Variants in CCDC93 observed in about 807,000 individuals in gnomAD.
The protein encoded by CCDC93 is coiled-coil domain-containing protein 93.
Under a neutral mutation model 108.2 loss-of-function variants are expected in CCDC93, and 61 were observed. The ratio of observed to expected loss-of-function variants is 0.56; its 90% CI spans 0.46 to 0.70. The LOEUF (loss-of-function observed/expected upper bound fraction) is 0.70. Among genes scored for constraint, CCDC93 ranks in the 30% least tolerant of loss-of-function variants. The probability of loss-of-function intolerance (pLI) is 0.00; values close to 1 mark genes in which losing one functional copy is unlikely to be tolerated. For missense variants in CCDC93, 685 were observed against 764.2 expected (o/e 0.90, Z 1.22); for synonymous variants, 276 against 260.4 (o/e 1.06, Z -0.58).
intron 2 of CCDC93, 46 bp downstream of exon 2, chr2:118,008,499 C>A: frequency 9.3e-7 from 1 of 1,071,176 alleles, no homozygotes; most frequent in South Asian, 1.3e-5. Flanking sequence ...TTAACCATGT[C>A]ATTCTGACAA....
At chr2:117,994,109 A>G (rs1212081628) in intron 6 of CCDC93, among the ~76,000 whole-genome samples, 1 of 152,246 alleles carries the variant, frequency 6.6e-6, no homozygotes, top group African/African-American at 2.4e-5. Context: ...TTAAAGTATG[A>G]TTCCAATTCA....
rs1014353177 is a variant in CCDC93 at position 117,996,473 on chromosome 2, A to T, written c.364-111T>A. The T allele has an allele frequency of 1.3e-5, 9 of 703,048 alleles. No individual in the cohort carries two copies. The South Asian group carries it at 1.5e-4, about 12-fold the overall frequency. The allele number at this position is 703,048 out of a possible 1,614,324, so 43.6% of individuals were successfully genotyped here. On this transcript the variant is annotated intron_variant, in intron 4 of 23. Transcript: ENST00000376300. ...AACTCAAATCAGCATAGTTGAACTGACTAGGTGATAAGAAGCTATCAACAC... is the reference window on the plus strand; with the variant it reads ...AACTCAAATCAGCATAGTTGAACTGTCTAGGTGATAAGAAGCTATCAACAC...
intron 7 of CCDC93, among the ~76,000 whole-genome samples, chr2:117,983,609 C>A (rs1680216862): frequency 7.8e-6 from 1 of 128,260 alleles, no homozygotes; most frequent in Non-Finnish European, 1.7e-5. Flanking sequence ...CTGTTTTCTA[C>A]ATTGAACAAA....
chr2:118,007,145 G>A (rs534026615), intron 2 of CCDC93, among the ~76,000 whole-genome samples: 1 of 152,328 alleles, frequency 6.6e-6, no homozygotes, highest in African/African-American at 2.4e-5. Flanking sequence ...TGAACATACT[G>A]TACATAGATC....
intron 3 of CCDC93, chr2:118,001,168 C>T: frequency 2.5e-6 from 1 of 395,964 alleles, no homozygotes; most frequent in Non-Finnish European, 4.5e-6. Context: ...GTTTTTCTTC[C>T]TACTTTTTTG....
intron 13 of CCDC93, 118 bp downstream of exon 13, chr2:117,952,255 G>A (rs1679080822): frequency 9.2e-6 from 7 of 761,200 alleles, no homozygotes; most frequent in Admixed American, 5.8e-5. Context: ...TGCAGCCTCT[G>A]AGAACAGGAT....
intron 7 of CCDC93, among the ~76,000 whole-genome samples, chr2:117,979,760 G>A (rs1680055015): frequency 6.6e-6 from 1 of 152,168 alleles, no homozygotes; most frequent in Non-Finnish European, 1.5e-5. Context: ...CACGAATTCT[G>A]TAAAGGACCT....
At position 118,008,558 on chromosome 2, in the gene CCDC93, G is replaced by A; in HGVS notation, c.143C>T (p.Ser48Leu). ...ATTTCCCCTTACCTTGTCAAAGGGT[G>A]ATAAGCCTTTAATTCTTGCCCTGAA... ...GYFRARIKGL[S>L]PFDKVVGGMT... is the part of the protein sequence containing the mutation. The change falls in exon 2 of 24, where the codon TCA becomes TTA. Residue 48 changes from serine to leucine, a missense_variant. Coordinates refer to ENST00000376300, the MANE Select transcript of CCDC93 (RefSeq NM_019044.5). 1 of 1,595,482 alleles carries A rather than the reference G, an allele frequency of 6.3e-7. No individual in the cohort carries two copies. The highest frequency in any genetic ancestry group is 2.2e-5 in the East Asian group (1 of 44,790).
Position 117,950,444 on chromosome 2 carries a change from G to T in CCDC93, c.1069-1049C>A, listed in dbSNP as rs374189280. 5.1e-6 allele frequency: 5 copies of T among 985,298 alleles called. No individual in the cohort carries two copies. The East Asian group carries it at 3.4e-4, about 67-fold the overall frequency. The allele number at this position is 985,298 out of a possible 1,614,324, so 61.0% of individuals were successfully genotyped here. A position where few individuals can be genotyped will look rare whatever the true frequency, so the allele number is the denominator to read the frequency against. On this transcript the variant is annotated intron_variant, in intron 13 of 23. Transcript: ENST00000376300. ...CAGCCAATCTCCTGGCCTTTCTGAA[G>T]CAGTCATGCAGCCTCCCCCACAGGT... is the stretch of plus-strand genomic sequence containing the variant.
rs547627370 is a variant in CCDC93, at chr2:117,989,678, C to T, written c.520-3609G>A. Reference sequence around the variant, plus strand: ...CTGACTTGAGGCAAGTTACTTTAACCTCTGTGGTTTTCCATCTGCATATTA... The same window carrying T: ...CTGACTTGAGGCAAGTTACTTTAACTTCTGTGGTTTTCCATCTGCATATTA... On this transcript the variant is annotated intron_variant, in intron 6 of 23. Coordinates refer to ENST00000376300, the MANE Select transcript of CCDC93 (RefSeq NM_019044.5). Among the ~76,000 whole-genome samples the T allele has an allele frequency of 3.9e-5, 6 of 152,300 alleles. No individual in the cohort carries two copies. The South Asian group carries it at 1.2e-3, about 32-fold the overall frequency.
chr2:117,960,352 G>C (rs1679348147), intron 11 of CCDC93, among the ~76,000 whole-genome samples: 1 of 152,310 alleles, frequency 6.6e-6, no homozygotes, highest in African/African-American at 2.4e-5. Context: ...GGGCAGGCAG[G>C]CTCCAGTGGA....
chr2:117,937,265 C>T (rs1374284581), intron 20 of CCDC93, among the ~76,000 whole-genome samples: 2 of 152,214 alleles, frequency 1.3e-5, no homozygotes, highest in African/African-American at 2.4e-5. Flanking sequence ...CCCGTGGACA[C>T]TGCCTTAGCC....
At chr2:117,938,708 C>A (rs1248741572) in intron 20 of CCDC93, among the ~76,000 whole-genome samples, 1 of 152,204 alleles carries the variant, frequency 6.6e-6, no homozygotes, top group Non-Finnish European at 1.5e-5. Context: ...ACCCCCATTT[C>A]ATTCAGCTGG....
chr2:117,948,081 T>G lies in CCDC93; in HGVS notation c.1224+24A>C, dbSNP rs72967539. 2.7e-3 allele frequency: 4,201 copies of G among 1,575,278 alleles called. 103 individuals carry two copies. In the African/African-American group the frequency reaches 0.05, roughly 19 times the overall value. ...AGATTCAATAAGCGTCCTGGTTTAT[T>G]TGCTGACACCAAACAACACTTACTC... On this transcript the variant is annotated intron_variant, in intron 15 of 23. Transcript: ENST00000376300.
In CCDC93 at chr2:117,995,815, C is replaced by T. The variant is rs568951882; in HGVS notation, c.463-313G>A. On this transcript the variant is annotated intron_variant, in intron 5 of 23. Coordinates refer to ENST00000376300, the MANE Select transcript of CCDC93 (RefSeq NM_019044.5). The stretch of plus-strand genomic sequence containing the variant: ...GGTAAGTTACTTAACCTCTAAGCCT[C>T]AGTTTCTCTGTCTATGAAACAGAGA... The T allele has an allele frequency of 2.0e-4, 48 of 240,154 alleles. 1 individual carries two copies. The highest frequency in any genetic ancestry group is 8.8e-4 in the African/African-American group (39 of 44,288). 14.9% of individuals were successfully genotyped at this position (240,154 alleles called of 1,614,324 possible).
chr2:118,000,954 CAA>C, intron 3 of CCDC93, 22 bp from the exon 4 acceptor site: 1 of 1,465,492 alleles, frequency 6.8e-7, no homozygotes, highest in Non-Finnish European at 9.6e-7. Flanking sequence ...AAGTAACAAG[CAA>C]AGAGTGAGGC....
At chr2:118,011,052 T>C (rs1367690548) in intron 1 of CCDC93, among the ~76,000 whole-genome samples, 2 of 152,228 alleles carry the variant, frequency 1.3e-5, no homozygotes, top group Admixed American at 1.3e-4. Context: ...CTATATATTA[T>C]ATACTTGGGT....
chr2:117,941,499 G>A (rs1277385285), intron 18 of CCDC93, among the ~76,000 whole-genome samples: 1 of 152,144 alleles, frequency 6.6e-6, no homozygotes, highest in Non-Finnish European at 1.5e-5. Flanking sequence ...GGGAGGTGGT[G>A]TGACTGTGAA....
chr2:117,975,375 AC>A (rs1679910344), intron 8 of CCDC93, 95 bp from the exon 9 acceptor site: 3 of 889,340 alleles, frequency 3.4e-6, no homozygotes, highest in Non-Finnish European at 5.4e-6. Flanking sequence ...TGTGAAAAAA[AC>A]ACAGACCTGC....
Sources: gnomAD v4.1 joint callset for allele counts (sites outside exome capture counted in the v4.1 genomes callset) on GRCh38, gnomAD v4.1.1 for gene constraint, MANE v1.5 for transcripts, NCBI Gene and HGNC (gene_info 2026-07-23, HGNC 2026-07-21) for gene names.